Variants in RHOH observed in about 807,000 individuals in gnomAD.
The protein encoded by RHOH is rho-related GTP-binding protein RhoH.
RHOH carries 6 observed loss-of-function variants against 13.8 expected under a neutral mutation model. The ratio of observed to expected loss-of-function variants is 0.44; its 90% CI spans 0.24 to 0.86. The LOEUF is 0.86. RHOH is among the 40% of genes least tolerant of loss of function. The pLI is 0.24. For synonymous variants in RHOH, 117 were observed against 103.0 expected (o/e 1.14, Z -0.82); for missense variants, 147 against 244.5 (o/e 0.60, Z 2.66).
chr4:40,214,219 G>C (rs1487260182), intron 1 of RHOH, among the ~76,000 whole-genome samples: 3 of 152,178 alleles, frequency 2.0e-5, no homozygotes, highest in Non-Finnish European at 4.4e-5. Flanking sequence ...GCTTTCTGAT[G>C]AATGTTTGCA....
At chr4:40,230,134 T>A (rs1257700827) in intron 1 of RHOH, among the ~76,000 whole-genome samples, 1 of 152,070 alleles carries the variant, frequency 6.6e-6, no homozygotes, top group Non-Finnish European at 1.5e-5. Flanking sequence ...GACCTCTGCC[T>A]CCTAAGTTCA....
At chr4:40,214,161 G>C (rs562866188) in intron 1 of RHOH, among the ~76,000 whole-genome samples, 2 of 152,260 alleles carry the variant, frequency 1.3e-5, no homozygotes, top group East Asian at 3.9e-4. Flanking sequence ...TATTTGGTTC[G>C]CAGATGGTGG....
At chr4:40,208,799 A>G (rs1290786460) in intron 1 of RHOH, among the ~76,000 whole-genome samples, 3 of 152,182 alleles carry the variant, frequency 2.0e-5, no homozygotes, top group Admixed American at 2.0e-4. Flanking sequence ...AACAACTTAA[A>G]ATGCCCAACA....
At position 40,213,523 on chromosome 4, in the gene RHOH, A is replaced by G. The variant is rs192192085; in HGVS notation, c.-331+16223A>G. Among the ~76,000 whole-genome samples the G allele has an allele frequency of 3.3e-5, 5 of 152,214 alleles. 1 individual carries two copies. The highest frequency in any genetic ancestry group is 6.5e-5 in the Admixed American group (1 of 15,288). ...TTTCTTCATACAAAACAAAACAAAAATTCTCTAAAAAAAATCCTTGTTAGG... is the reference window on the plus strand; with the variant it reads ...TTTCTTCATACAAAACAAAACAAAAGTTCTCTAAAAAAAATCCTTGTTAGG... On this transcript the variant is annotated intron_variant, in intron 1 of 2. Coordinates refer to ENST00000381799, the MANE Select transcript of RHOH (RefSeq NM_004310.5).
intron 1 of RHOH, among the ~76,000 whole-genome samples, chr4:40,202,139 G>A (rs1341420125): frequency 6.6e-6 from 1 of 151,532 alleles, no homozygotes; most frequent in African/African-American, 2.4e-5. Flanking sequence ...TAGAGACGGG[G>A]TCTCACTTTG....
chr4:40,207,765 G>A (rs1029866735), intron 1 of RHOH, among the ~76,000 whole-genome samples: 2 of 152,094 alleles, frequency 1.3e-5, no homozygotes, highest in Non-Finnish European at 2.9e-5. Flanking sequence ...TCAGGAGTTC[G>A]AGACCAGCCT....
At chr4:40,227,996 C>T (rs1560276510) in intron 1 of RHOH, among the ~76,000 whole-genome samples, 1 of 151,786 alleles carries the variant, frequency 6.6e-6, no homozygotes. Flanking sequence ...ATCTATTTAT[C>T]CTAAAGAAAT....
intron 1 of RHOH, among the ~76,000 whole-genome samples, chr4:40,241,388 G>C (rs182120076): frequency 2.6e-5 from 4 of 152,338 alleles, no homozygotes; most frequent in African/African-American, 7.2e-5. Flanking sequence ...AATCCTTACA[G>C]TGATCACATG....
chr4:40,236,623 A>C (rs1445304890), intron 1 of RHOH, among the ~76,000 whole-genome samples: 1 of 116,174 alleles, frequency 8.6e-6, no homozygotes, highest in Non-Finnish European at 2.2e-5. Context: ...ACCCCATCTC[A>C]ACTAAAAAAA....
rs116702144 is a variant in RHOH at position 40,208,853 on chromosome 4, C to T, written c.-331+11553C>T. ...AAGGTGACAAAGTGAGACCCTGTCT[C>T]AAAAAATATATACATATAATATTTG... On this transcript the variant is annotated intron_variant, in intron 1 of 2. Coordinates refer to ENST00000381799, the MANE Select transcript of RHOH (RefSeq NM_004310.5). Among the ~76,000 whole-genome samples the T allele has an allele frequency of 9.7e-3, 1,470 of 151,222 alleles. 24 individuals are homozygous for T. The highest frequency in any genetic ancestry group is 0.031 in the African/African-American group (1,271 of 41,214).
chr4:40,219,436 G>A (rs1726282972), intron 1 of RHOH, among the ~76,000 whole-genome samples: 1 of 151,152 alleles, frequency 6.6e-6, no homozygotes. Flanking sequence ...AAAAGTGTGT[G>A]TGATAATTAT....
At chr4:40,199,611 C>A (rs80139121) in intron 1 of RHOH, among the ~76,000 whole-genome samples, 1 of 152,266 alleles carries the variant, frequency 6.6e-6, no homozygotes, top group South Asian at 2.1e-4. Context: ...GCTCTCTGAA[C>A]GCTTGGGGTG....
At position 40,201,655 on chromosome 4, in the gene RHOH, CT is replaced by C. The variant is rs149363163; in HGVS notation, c.-331+4365del. On this transcript the variant is annotated intron_variant, in intron 1 of 2. Coordinates refer to ENST00000381799, the MANE Select transcript of RHOH (RefSeq NM_004310.5). Reference sequence around the variant, plus strand: ...AAACACAATAAATCAGGCTCCCCACCTTTTTTTTTTCGGGGCGGGGGGCAAG... The same window carrying C: ...AAACACAATAAATCAGGCTCCCCACCTTTTTTTTTCGGGGCGGGGGGCAAG... 1.7e-4 allele frequency among the ~76,000 whole-genome samples: 25 copies of C among 147,972 alleles called. No homozygotes were observed. The East Asian group carries it at 1.8e-3, about 10-fold the overall frequency.
At chr4:40,198,859 G>C (rs560790961) in intron 1 of RHOH, among the ~76,000 whole-genome samples, 2 of 152,300 alleles carry the variant, frequency 1.3e-5, no homozygotes, top group East Asian at 1.9e-4. Flanking sequence ...AAATGAGATG[G>C]CACGGGTATG....
intron 1 of RHOH, among the ~76,000 whole-genome samples, chr4:40,199,262 T>A (rs1433031584): frequency 6.6e-6 from 1 of 152,188 alleles, no homozygotes; most frequent in Non-Finnish European, 1.5e-5. Flanking sequence ...GCAACTCTTA[T>A]GATTCTTATT....
upstream of RHOH, among the ~76,000 whole-genome samples, chr4:40,196,643 G>C (rs1723165908): frequency 6.6e-6 from 1 of 151,378 alleles, no homozygotes; most frequent in African/African-American, 2.4e-5. Flanking sequence ...AAAGTTCTAA[G>C]GTGTTGTTTC....
chr4:40,200,746 G>A (rs1039138225), intron 1 of RHOH, among the ~76,000 whole-genome samples: 3 of 152,178 alleles, frequency 2.0e-5, no homozygotes, highest in African/African-American at 4.8e-5. Flanking sequence ...ATTTTAACAC[G>A]CAAACGTACG....
intron 1 of RHOH, among the ~76,000 whole-genome samples, chr4:40,199,572 A>G (rs1486726252): frequency 6.6e-6 from 1 of 152,214 alleles, no homozygotes; most frequent in African/African-American, 2.4e-5. Context: ...TATCCGCTGC[A>G]TTACTTGTGG....
intron 1 of RHOH, among the ~76,000 whole-genome samples, chr4:40,239,171 T>G (rs1728958929): frequency 6.6e-6 from 1 of 152,228 alleles, no homozygotes; most frequent in Non-Finnish European, 1.5e-5. Flanking sequence ...AGGTAATAAA[T>G]GTTCCTACTT....
Sources: gnomAD v4.1 joint callset for allele counts (sites outside exome capture counted in the v4.1 genomes callset) on GRCh38, gnomAD v4.1.1 for gene constraint, MANE v1.5 for transcripts, NCBI Gene and HGNC (gene_info 2026-07-23, HGNC 2026-07-21) for gene names.